The following SLC9C1 variants were observed in gnomAD, a reference collection of about 807,000 sequenced individuals.
SLC9C1 encodes the protein solute carrier family 9 member C1, also known as sodium/hydrogen exchanger 10.
In SLC9C1, 97 loss-of-function variants were observed where a neutral mutation model predicts 140.9. The observed-to-expected ratio is 0.69, with a 90% confidence interval of 0.58 to 0.82. The LOEUF (loss-of-function observed/expected upper bound fraction) is 0.82, where lower values mean the gene tolerates loss of function less well. SLC9C1 is among the 40% of genes least tolerant of loss of function. The pLI, the probability that SLC9C1 is intolerant of heterozygous loss-of-function variation, is 0.00. For missense variants in SLC9C1, 1,340 were observed against 1,389.3 expected (o/e 0.96, Z 0.56); for synonymous variants, 440 against 442.6 (o/e 0.99, Z 0.07).
At chr3:112,169,156 A>G in intron 24 of SLC9C1, 41 bp downstream of exon 24, 2 of 1,599,428 alleles carry the variant, frequency 1.3e-6, no homozygotes, top group South Asian at 2.3e-5. Flanking sequence ...ATGCCATTCC[A>G]TTCAAAGAAA....
intron 13 of SLC9C1, among the ~76,000 whole-genome samples, chr3:112,227,399 A>T (rs1473653842): frequency 6.6e-6 from 1 of 152,180 alleles, no homozygotes; most frequent in African/African-American, 2.4e-5. Flanking sequence ...ACTATGATCA[A>T]GTGGGATTTA....
chr3:112,263,227 C>A (rs9864872), intron 9 of SLC9C1, 129 bp from the exon 10 acceptor site: 174,959 of 673,648 alleles, frequency 0.26, 24,066 homozygotes, highest in Admixed American at 0.33. Context: ...CTTTCACACA[C>A]TGTTGACATG....
chr3:112,151,811 G>A (rs1560004723), intron 28 of SLC9C1, 46 bp downstream of exon 28: 1 of 1,498,446 alleles, frequency 6.7e-7, no homozygotes, highest in Non-Finnish European at 9.3e-7. Context: ...GTATCTCCAG[G>A]GACAGATGTG....
chr3:112,200,942 A>G lies in SLC9C1; in HGVS notation c.2323-180T>C, dbSNP rs541150520. ...AGCACTTTTTGCTTCAGCTAAAGTA[A>G]TAGAGAAGATAAGAGGTATAACCTA... On this transcript the variant is annotated intron_variant, in intron 18 of 28. Coordinates refer to ENST00000305815, the MANE Select transcript of SLC9C1 (RefSeq NM_183061.3). Among the ~76,000 whole-genome samples, 7 of 152,188 alleles carry G rather than the reference A, an allele frequency of 4.6e-5. No homozygotes were observed. In the South Asian group the frequency reaches 1.5e-3, roughly 32 times the overall value.
chr3:112,147,070 A>G (rs1438660146), intron 28 of SLC9C1, among the ~76,000 whole-genome samples: 2 of 151,922 alleles, frequency 1.3e-5, no homozygotes, highest in Admixed American at 1.3e-4. Context: ...TGTCTTTTTT[A>G]CTGTTTCCTA....
At chr3:112,157,456 G>A (rs1250421207) in intron 26 of SLC9C1, among the ~76,000 whole-genome samples, 1 of 152,048 alleles carries the variant, frequency 6.6e-6, no homozygotes, top group African/African-American at 2.4e-5. Context: ...GTAATGTGAT[G>A]CCTCTGGTTT....
At chr3:112,146,906 C>T (rs1413073951) in intron 28 of SLC9C1, among the ~76,000 whole-genome samples, 1 of 152,112 alleles carries the variant, frequency 6.6e-6, no homozygotes, top group African/African-American at 2.4e-5. Flanking sequence ...GTTAAAGTCC[C>T]TCACTAGTAT....
chr3:112,289,655 C>T (rs1016598184), intron 1 of SLC9C1, among the ~76,000 whole-genome samples: 2 of 152,190 alleles, frequency 1.3e-5, no homozygotes, highest in South Asian at 2.1e-4. Flanking sequence ...CTAAGGCCAG[C>T]CTGGAGCAAC....
intron 10 of SLC9C1, 69 bp downstream of exon 10, chr3:112,262,855 A>C: frequency 7.7e-6 from 10 of 1,299,356 alleles, no homozygotes; most frequent in Non-Finnish European, 9.9e-6. Flanking sequence ...ACTACAAAAA[A>C]ACATATATTT....
intron 20 of SLC9C1, among the ~76,000 whole-genome samples, chr3:112,191,606 G>A (rs1284202316): frequency 6.6e-6 from 1 of 151,980 alleles, no homozygotes; most frequent in Non-Finnish European, 1.5e-5. Context: ...TTAATATTTT[G>A]TTGAGAATAT....
chr3:112,176,394 A>T (rs2107940744), intron 23 of SLC9C1, among the ~76,000 whole-genome samples: 1 of 152,104 alleles, frequency 6.6e-6, no homozygotes, highest in Admixed American at 6.5e-5. Flanking sequence ...TGCCCCTTCC[A>T]TCCCTCTCTG....
intron 20 of SLC9C1, among the ~76,000 whole-genome samples, chr3:112,191,378 T>A (rs2077658423): frequency 6.6e-6 from 1 of 152,172 alleles, no homozygotes; most frequent in South Asian, 2.1e-4. Flanking sequence ...CTATGCCTAA[T>A]CTATTGAGAG....
At chr3:112,177,712 AT>A (rs1272493929) in intron 23 of SLC9C1, among the ~76,000 whole-genome samples, 1 of 144,240 alleles carries the variant, frequency 6.9e-6, no homozygotes, top group African/African-American at 2.6e-5. Flanking sequence ...GATGAAAAAA[AT>A]TTTTTTTCAA....
chr3:112,270,160 T>C, intron 6 of SLC9C1, 83 bp from the exon 7 acceptor site: 2 of 1,364,822 alleles, frequency 1.5e-6, no homozygotes, highest in South Asian at 3.6e-5. Flanking sequence ...ATTTTCCTTT[T>C]TGTCATTATC....
At chr3:112,220,458 A>T (rs1197422698) in intron 14 of SLC9C1, among the ~76,000 whole-genome samples, 2 of 152,164 alleles carry the variant, frequency 1.3e-5, no homozygotes, top group Admixed American at 1.3e-4. Flanking sequence ...CTCTGGAAAT[A>T]AGCTTAGGAC....
chr3:112,253,615 A>G (rs1436516915), intron 10 of SLC9C1, among the ~76,000 whole-genome samples: 2 of 152,210 alleles, frequency 1.3e-5, no homozygotes, highest in Non-Finnish European at 2.9e-5. Flanking sequence ...TCAGAAAAGA[A>G]GTCTACTGAC....
chr3:112,240,413 T>C (rs928217172), intron 11 of SLC9C1, among the ~76,000 whole-genome samples: 3 of 152,230 alleles, frequency 2.0e-5, no homozygotes, highest in Admixed American at 6.5e-5. Flanking sequence ...ATATATTCAG[T>C]TAAACATTCT....
chr3:112,151,933 TC>T lies in SLC9C1; in HGVS notation c.3447del (p.Ser1150ValfsTer20). On this transcript the variant is annotated frameshift_variant, in exon 28 of 29. Coordinates refer to ENST00000305815, the MANE Select transcript of SLC9C1 (RefSeq NM_183061.3). LOFTEE classifies it high-confidence loss of function. ...CCCAGCAGGGAGCAAGGCTGGGGAC[TC>T]CTGGCAGTGGCGGCACTGTGTGCTC... is the stretch of plus-strand genomic sequence containing the variant. ...EDGAHSAATA[R>X]SPQPCSLLGT... 2 of 1,604,506 alleles carry T rather than the reference TC, an allele frequency of 1.2e-6. No individual in the cohort carries two copies. The highest frequency in any genetic ancestry group is 1.7e-6 in the Non-Finnish European group (2 of 1,177,286).
intron 1 of SLC9C1, among the ~76,000 whole-genome samples, chr3:112,289,860 T>G (rs1452998918): frequency 6.6e-6 from 1 of 152,222 alleles, no homozygotes; most frequent in African/African-American, 2.4e-5. Flanking sequence ...CTATGTCTCT[T>G]AACAGACATT....
Sources: gnomAD v4.1 joint callset for allele counts (sites outside exome capture counted in the v4.1 genomes callset) on GRCh38, gnomAD v4.1.1 for gene constraint, MANE v1.5 for transcripts, NCBI Gene and HGNC (gene_info 2026-07-23, HGNC 2026-07-21) for gene names.